Variants in S100PBP observed in about 807,000 individuals in gnomAD.
S100PBP encodes S100P-binding protein.
S100PBP carries 15 observed loss-of-function variants against 39.9 expected under a neutral mutation model. The ratio of observed to expected loss-of-function variants is 0.38; its 90% CI spans 0.25 to 0.58. The LOEUF (loss-of-function observed/expected upper bound fraction) is 0.58. S100PBP is among the 20% of genes least tolerant of loss of function. The pLI is 0.70. For missense variants in S100PBP, 504 were observed against 487.3 expected (o/e 1.03, Z -0.32); for synonymous variants, 178 against 180.3 (o/e 0.99, Z 0.10).
At position 32,853,060 on chromosome 1, in the gene S100PBP, TG is replaced by T. The variant is rs1352249990; in HGVS notation, c.1025-18del. 8.9e-6 allele frequency: 14 copies of T among 1,581,702 alleles called. No individual in the cohort carries two copies. The highest frequency in any genetic ancestry group is 2.7e-5 in the African/African-American group (2 of 74,200). ...AGTTCACTCAGCTGTTCCTAACCAC[TG>T]ATCCCTCTGTATCACAGGTATCTCG... On this transcript the variant is annotated intron_variant, in intron 5 of 6. Transcript: ENST00000373475.
At chr1:32,853,475 A>G (rs1376663085) in intron 6 of S100PBP, among the ~76,000 whole-genome samples, 1 of 77,542 alleles carries the variant, frequency 1.3e-5, no homozygotes, top group Non-Finnish European at 2.5e-5. Context: ...CGTCTAAAAA[A>G]AAAAAAAGAA....
At chr1:32,845,057 C>G (rs950206133) in intron 5 of S100PBP, among the ~76,000 whole-genome samples, 1 of 150,858 alleles carries the variant, frequency 6.6e-6, no homozygotes, top group Non-Finnish European at 1.5e-5. Context: ...GGTGGAGTCT[C>G]GCTGTTGCCC....
intron 5 of S100PBP, among the ~76,000 whole-genome samples, chr1:32,833,264 G>A (rs1370526590): frequency 6.6e-6 from 1 of 152,040 alleles, no homozygotes; most frequent in African/African-American, 2.4e-5. Context: ...TATTCCTTAC[G>A]TTGAGTCAAA....
chr1:32,825,711 G>T (rs1639291368), intron 2 of S100PBP, among the ~76,000 whole-genome samples: 2 of 152,130 alleles, frequency 1.3e-5, no homozygotes, highest in South Asian at 4.1e-4. Context: ...CCAGGATTTG[G>T]CTACTTTGAA....
At chr1:32,831,277 A>G (rs1232601225) in intron 5 of S100PBP, among the ~76,000 whole-genome samples, 2 of 152,048 alleles carry the variant, frequency 1.3e-5, no homozygotes, top group African/African-American at 2.4e-5. Context: ...TTAGAGTTCT[A>G]ATAGAATTAC....
At chr1:32,819,068 GT>G (rs1031959263) in intron 1 of S100PBP, among the ~76,000 whole-genome samples, 2 of 152,018 alleles carry the variant, frequency 1.3e-5, no homozygotes, top group African/African-American at 4.8e-5. Flanking sequence ...GTTTTCTGAG[GT>G]GAGATAAAAA....
chr1:32,857,864 T>G lies in S100PBP; in HGVS notation c.*1826T>G, dbSNP rs146525266. On this transcript the variant is annotated 3_prime_UTR_variant, in exon 7 of 7. Coordinates refer to ENST00000373475, the MANE Select transcript of S100PBP (RefSeq NM_022753.4). ...AATTTAGGTGAATGTCCCTAAGTGT[T>G]TACTGTTTTTATCCAGTCAAGGATT... The G allele has an allele frequency of 1.7e-3, 259 of 152,358 alleles. 2 individuals are homozygous for G. Among genetic ancestry groups the G allele is most frequent in the African/African-American group, 6.0e-3 (250 of 41,592 alleles). The allele number at this position is 152,358 out of a possible 1,614,324, so 9.4% of individuals were successfully genotyped here.
At chr1:32,855,775 C>G (rs955371538) in intron 6 of S100PBP, 149 bp from the exon 7 acceptor site, 19 of 533,276 alleles carry the variant, frequency 3.6e-5, no homozygotes, top group African/African-American at 5.8e-5. Context: ...TATAAAATTT[C>G]TAAAATTGTG....
At position 32,826,320 on chromosome 1, in the gene S100PBP, G is replaced by T. The variant is rs746280819; in HGVS notation, c.221G>T (p.Gly74Val). 2.5e-6 allele frequency: 4 copies of T among 1,613,946 alleles called. No homozygotes were observed. The highest frequency in any genetic ancestry group is 3.4e-6 in the Non-Finnish European group (4 of 1,179,984). ...EDDPSYEQSS[G>V]EDDGGHVEKG... ...GACCCATCATATGAGCAGTCTTCTG[G>T]GGAAGATGATGGTGGGCATGTTGAG... Residue 74 changes from glycine to valine, a missense_variant, in exon 3 of 7, where the codon GGG (glycine) becomes GTG (valine). By Grantham distance (109) the Gly-to-Val change is moderately radical. Coordinates refer to ENST00000373475, the MANE Select transcript of S100PBP (RefSeq NM_022753.4).
At chr1:32,829,620 G>A (rs765477328) in intron 4 of S100PBP, among the ~76,000 whole-genome samples, 12 of 152,058 alleles carry the variant, frequency 7.9e-5, no homozygotes, top group Non-Finnish European at 1.5e-4. Flanking sequence ...ATGCAGCCAT[G>A]TCCAGCTAAT....
At chr1:32,832,972 T>C (rs1639665306) in intron 5 of S100PBP, among the ~76,000 whole-genome samples, 2 of 148,610 alleles carry the variant, frequency 1.3e-5, no homozygotes, top group Admixed American at 1.4e-4. Context: ...CTCTTTAGTT[T>C]AGTGCCCCAT....
At chr1:32,818,337 C>G (rs576085976) in intron 1 of S100PBP, among the ~76,000 whole-genome samples, 3 of 152,380 alleles carry the variant, frequency 2.0e-5, no homozygotes, top group Admixed American at 2.0e-4. Flanking sequence ...AAGGCAGTAT[C>G]CTCCAAAGGT....
intron 1 of S100PBP, chr1:32,818,187 G>T (rs990283285): frequency 2.0e-5 from 3 of 152,414 alleles, no homozygotes; most frequent in East Asian, 3.8e-4. Flanking sequence ...CCTACTGGGG[G>T]AGGGGCGGGG....
upstream of S100PBP, chr1:32,817,241 C>T (rs1160893050): frequency 1.2e-6 from 2 of 1,614,116 alleles, no homozygotes; most frequent in Non-Finnish European, 1.7e-6. Flanking sequence ...GGAGCGTCCC[C>T]CATGGCTCCG....
chr1:32,845,161 A>G (rs989317888), intron 5 of S100PBP, among the ~76,000 whole-genome samples: 1 of 152,104 alleles, frequency 6.6e-6, no homozygotes, highest in Non-Finnish European at 1.5e-5. Context: ...AGTAGCTGGG[A>G]CTACAGGCGC....
chr1:32,826,392 A>C lies in S100PBP; in HGVS notation c.293A>C (p.Lys98Thr). 1 of 1,614,144 alleles carries C rather than the reference A, an allele frequency of 6.2e-7. No homozygotes were observed. The highest frequency in any genetic ancestry group is 8.5e-7 in the Non-Finnish European group (1 of 1,180,022). Residue 98 changes from lysine to threonine, a missense_variant, in exon 3 of 7, where the codon AAA becomes ACA. Lys to Thr is a moderately conservative substitution (Grantham distance 78, BLOSUM62 -1). Coordinates refer to ENST00000373475, the MANE Select transcript of S100PBP (RefSeq NM_022753.4). The part of the protein sequence containing the change: ...SQILLDTPRE[K>T]NSSYSLGPVA... ...ATTCTACTTGATACTCCCCGAGAGA[A>C]AAATTCATCGTACAGCCTGGGACCA... is the stretch of plus-strand genomic sequence containing the variant.
chr1:32,852,755 G>A lies in S100PBP; in HGVS notation c.1025-324G>A, dbSNP rs577519174. 165 of 228,052 alleles carry A rather than the reference G, an allele frequency of 7.2e-4. 1 individual carries two copies. The highest frequency in any genetic ancestry group is 3.5e-3 in the African/African-American group (154 of 43,470). 14.1% of individuals were successfully genotyped at this position (228,052 alleles called of 1,614,324 possible). ...TCACTGCATTTATCACACCACTTTG[G>A]AATCATCTGTCTCCTGTATAAACTT... On this transcript the variant is annotated intron_variant, in intron 5 of 6. Coordinates refer to ENST00000373475, the MANE Select transcript of S100PBP (RefSeq NM_022753.4).
At chr1:32,829,816 T>C in intron 4 of S100PBP, 148 bp from the exon 5 acceptor site, 2 of 620,084 alleles carry the variant, frequency 3.2e-6, no homozygotes, top group South Asian at 2.0e-5. Flanking sequence ...GTATGACTAA[T>C]ACTGTCCTCT....
Position 32,858,632 on chromosome 1 carries a change from TC to T in S100PBP, c.*2596del, listed in dbSNP as rs1335914550. ...TAGGTGCATTTAACTGCTTTCTTCATCCATGACGACATTCCCACCATGGGGG... is the reference window on the plus strand; with the variant it reads ...TAGGTGCATTTAACTGCTTTCTTCATCATGACGACATTCCCACCATGGGGG... On this transcript the variant is annotated 3_prime_UTR_variant, in exon 7 of 7. Transcript: ENST00000373475. The T allele has an allele frequency of 6.6e-6, 1 of 152,230 alleles. No individual in the cohort carries two copies. The highest frequency in any genetic ancestry group is 1.5e-5 in the Non-Finnish European group (1 of 68,042). 9.4% of individuals were successfully genotyped at this position (152,230 alleles called of 1,614,324 possible).
Sources: allele counts gnomAD v4.1 joint callset (sites outside exome capture counted in the v4.1 genomes callset), GRCh38; gene constraint gnomAD v4.1.1; transcripts MANE v1.5; gene names NCBI Gene and HGNC (gene_info 2026-07-23, HGNC 2026-07-21).